Variants in SSBP3 observed in about 807,000 individuals in gnomAD.
SSBP3 encodes single stranded DNA binding protein 3.
In SSBP3, 5 loss-of-function variants were observed where a neutral mutation model predicts 69.6. That is an observed-to-expected ratio of 0.07 (90% CI 0.04 to 0.15). The LOEUF (loss-of-function observed/expected upper bound fraction) is 0.15, where lower values mean the gene tolerates loss of function less well. Ranked by LOEUF, SSBP3 falls within the 10% of genes least tolerant of loss-of-function variation. SSBP3 has a pLI of 1.00. For missense variants in SSBP3, 312 were observed against 534.0 expected (o/e 0.58, Z 4.10); for synonymous variants, 196 against 193.4 (o/e 1.01, Z -0.11).
intron 10 of SSBP3, 59 bp from the exon 11 acceptor site, chr1:54,242,271 G>A: frequency 1.9e-6 from 3 of 1,594,616 alleles, no homozygotes; most frequent in Non-Finnish European, 2.6e-6. Flanking sequence ...TCCAAGCGGT[G>A]GAGGCAGCAG....
upstream of SSBP3, among the ~76,000 whole-genome samples, chr1:54,407,698 G>C (rs1334668590): frequency 6.6e-6 from 1 of 150,696 alleles, no homozygotes. Flanking sequence ...CTGATTGGCT[G>C]CCTGTTTGGA....
upstream of SSBP3, among the ~76,000 whole-genome samples, chr1:54,408,333 G>T (rs977894296): frequency 6.6e-6 from 1 of 152,120 alleles, no homozygotes; most frequent in Non-Finnish European, 1.5e-5. Context: ...AATTTAATAG[G>T]GCTAACTTAA....
chr1:54,325,724 TAATC>T (rs1446815693), intron 4 of SSBP3, among the ~76,000 whole-genome samples: 9 of 152,318 alleles, frequency 5.9e-5, no homozygotes, highest in African/African-American at 2.2e-4. Context: ...AAGTAGAACT[TAATC>T]AAACAGTTCG....
intron 4 of SSBP3, among the ~76,000 whole-genome samples, chr1:54,347,674 T>C (rs1646711926): frequency 6.6e-6 from 1 of 152,306 alleles, no homozygotes; most frequent in Non-Finnish European, 1.5e-5. Flanking sequence ...CTGGTATCCA[T>C]ATGAAATGAG....
intron 4 of SSBP3, among the ~76,000 whole-genome samples, chr1:54,328,202 C>G (rs955344209): frequency 1.3e-5 from 2 of 152,032 alleles, no homozygotes; most frequent in Non-Finnish European, 2.9e-5. Flanking sequence ...GGGCCCGCAG[C>G]GAACAATGAG....
intron 4 of SSBP3, among the ~76,000 whole-genome samples, chr1:54,389,279 G>A (rs1648309439): frequency 6.6e-6 from 1 of 152,298 alleles, no homozygotes; most frequent in East Asian, 1.9e-4. Flanking sequence ...TCCACAGGGG[G>A]TGGTAGGAGA....
chr1:54,293,838 C>T (rs1358666200), intron 4 of SSBP3, among the ~76,000 whole-genome samples: 1 of 152,170 alleles, frequency 6.6e-6, no homozygotes, highest in South Asian at 2.1e-4. Context: ...AAAATTCTTG[C>T]AGAAATCCTG....
At chr1:54,411,335 G>A (rs12122310), upstream of SSBP3, among the ~76,000 whole-genome samples, 71,230 of 151,552 alleles carry the variant, frequency 0.47, 18,114 homozygotes, top group Admixed American at 0.59. Context: ...AAAATTAGCC[G>A]GGCATGGTGG....
At chr1:54,287,044 G>C (rs1474826047) in intron 4 of SSBP3, 1 of 152,134 alleles carries the variant, frequency 6.6e-6, no homozygotes. Flanking sequence ...TGGTCCAGGG[G>C]CATTCCCTGC....
intron 4 of SSBP3, among the ~76,000 whole-genome samples, chr1:54,378,125 G>A (rs990905269): frequency 2.0e-5 from 3 of 152,040 alleles, no homozygotes; most frequent in African/African-American, 7.3e-5. Flanking sequence ...CGGACCTCTG[G>A]CCATCAGCTT....
At position 54,406,036 on chromosome 1, in the gene SSBP3, T is replaced by TCGC. The variant is rs759612820; in HGVS notation, c.-31_-29dup. 3,716 of 1,300,338 alleles carry TCGC rather than the reference T, an allele frequency of 2.9e-3. 22 individuals are homozygous for TCGC. The highest frequency in any genetic ancestry group is 0.012 in the Middle Eastern group (45 of 3,744). 80.6% of individuals were successfully genotyped at this position (1,300,338 alleles called of 1,614,324 possible). A position where few individuals can be genotyped will look rare whatever the true frequency, so the allele number is the denominator to read the frequency against. ...TTTGCAGGGAAGAGGGCGCCGAGCC[T>TCGC]CGCCGCCGCCGCCGCCGCCGCCGCT... is the stretch of plus-strand genomic sequence containing the variant. On this transcript the variant is annotated 5_prime_UTR_variant, in exon 1 of 18. Coordinates refer to ENST00000610401, the Ensembl canonical transcript of SSBP3.
chr1:54,256,340 T>A (rs112352765), intron 7 of SSBP3, among the ~76,000 whole-genome samples: 235 of 152,342 alleles, frequency 1.5e-3, no homozygotes, highest in South Asian at 8.3e-3. Flanking sequence ...AAAATTTCCC[T>A]GATGTTTCTC....
At chr1:54,297,396 A>G in intron 4 of SSBP3, among the ~76,000 whole-genome samples, 1 of 152,198 alleles carries the variant, frequency 6.6e-6, no homozygotes, top group East Asian at 1.9e-4. Flanking sequence ...TTGGGAGGCC[A>G]AGGCGGGCGG....
chr1:54,307,210 C>T (rs947034400), intron 4 of SSBP3, among the ~76,000 whole-genome samples: 1 of 152,086 alleles, frequency 6.6e-6, no homozygotes, highest in East Asian at 1.9e-4. Flanking sequence ...TATGGCCACA[C>T]CCCCACTATG....
chr1:54,344,786 A>C (rs1569878737), intron 4 of SSBP3, among the ~76,000 whole-genome samples: 1 of 152,202 alleles, frequency 6.6e-6, no homozygotes, highest in Admixed American at 6.5e-5. Flanking sequence ...CCAAAGCAGG[A>C]GGATCACTTC....
At chr1:54,344,462 T>C (rs1646657231) in intron 4 of SSBP3, among the ~76,000 whole-genome samples, 1 of 152,184 alleles carries the variant, frequency 6.6e-6, no homozygotes. Flanking sequence ...GGTATCATTT[T>C]GGGAATAGAG....
upstream of SSBP3, among the ~76,000 whole-genome samples, chr1:54,407,437 A>G (rs1052595164): frequency 6.6e-6 from 1 of 151,540 alleles, no homozygotes; most frequent in Non-Finnish European, 1.5e-5. Context: ...CCAGGTGTAC[A>G]ATGGGAAATT....
chr1:54,319,926 C>T (rs1449424582), intron 4 of SSBP3, among the ~76,000 whole-genome samples: 1 of 152,192 alleles, frequency 6.6e-6, no homozygotes, highest in Non-Finnish European at 1.5e-5. Flanking sequence ...TGGCTTCAAA[C>T]TCACTGTCTA....
chr1:54,407,352 T>A (rs1203583208), upstream of SSBP3, among the ~76,000 whole-genome samples: 2 of 150,568 alleles, frequency 1.3e-5, no homozygotes, highest in Non-Finnish European at 2.9e-5. Flanking sequence ...AAACTTCAAA[T>A]AAATGGAGCT....
Sources: allele counts gnomAD v4.1 joint callset (sites outside exome capture counted in the v4.1 genomes callset), GRCh38; gene constraint gnomAD v4.1.1; transcripts MANE v1.5; gene names NCBI Gene and HGNC (gene_info 2026-07-23, HGNC 2026-07-21).